Variants in PODNL1 observed in about 807,000 individuals in gnomAD.
The protein encoded by PODNL1 is podocan like 1.
In PODNL1, 50 loss-of-function variants were observed where a neutral mutation model predicts 45.1. The ratio of observed to expected loss-of-function variants is 1.11; its 90% confidence interval spans 0.88 to 1.40. The LOEUF (loss-of-function observed/expected upper bound fraction) is 1.40, where lower values mean the gene tolerates loss of function less well. Ranked by LOEUF, PODNL1 falls within the 40% of genes most tolerant of loss-of-function variation. The pLI is 0.00. For missense variants in PODNL1, 788 were observed against 793.3 expected (o/e 0.99, Z 0.08); for synonymous variants, 406 against 372.5 (o/e 1.09, Z -1.04).
chr19:13,949,172 C>T (rs1163488854), intron 1 of PODNL1: 3 of 152,044 alleles, frequency 2.0e-5, no homozygotes, highest in Non-Finnish European at 4.4e-5. Flanking sequence ...GTTGACCAGG[C>T]TTGTCTTGAA....
intron 1 of PODNL1, among the ~76,000 whole-genome samples, chr19:13,948,680 C>T (rs1401642636): frequency 6.7e-6 from 1 of 149,296 alleles, no homozygotes; most frequent in Non-Finnish European, 1.5e-5. Context: ...CCTGTAATCC[C>T]AGCGCTTTGG....
intron 1 of PODNL1, among the ~76,000 whole-genome samples, chr19:13,952,870 T>A (rs1274037709): frequency 2.4e-4 from 1 of 4,096 alleles, no homozygotes; most frequent in Non-Finnish European, 4.6e-4. Context: ...GCAAAGGGGC[T>A]GGGATGGAGG....
upstream of PODNL1, among the ~76,000 whole-genome samples, chr19:13,941,343 G>C (rs1280045535): frequency 6.8e-6 from 1 of 146,838 alleles, no homozygotes; most frequent in Non-Finnish European, 1.5e-5. Context: ...TCCAGGCTGG[G>C]TAACAGTGAG....
chr19:13,945,237 G>A (rs1972776771), intron 1 of PODNL1, among the ~76,000 whole-genome samples: 1 of 152,076 alleles, frequency 6.6e-6, no homozygotes, highest in Non-Finnish European at 1.5e-5. Flanking sequence ...TGAGCAGGGT[G>A]CAGTGGCTCA....
At chr19:13,942,035 T>C (rs1359040715), upstream of PODNL1, among the ~76,000 whole-genome samples, 1 of 152,068 alleles carries the variant, frequency 6.6e-6, no homozygotes, top group Non-Finnish European at 1.5e-5. Flanking sequence ...TCTTCAGCAG[T>C]GTAATGGGGC....
chr19:13,933,443 G>T lies in PODNL1; in HGVS notation c.780C>A (p.Ser260Arg), dbSNP rs1413134492. 6.4e-7 allele frequency: 1 copy of T among 1,569,412 alleles called. No homozygotes were observed. The highest frequency in any genetic ancestry group is 1.8e-5 in the Admixed American group (1 of 56,394). The change falls in exon 8 of 10, where the codon AGC (serine) becomes AGA (arginine). Residue 260 changes from serine to arginine, a missense_variant. Physicochemically the swap from Ser to Arg is moderately radical, Grantham distance 110. This residue lies in a region of PODNL1 where 762 missense variants were observed against 750.9 expected (regional missense o/e 1.01). Transcript: ENST00000588872. This position sits in a 1 kb window ranked among gnomAD's most constrained non-coding sequence, Gnocchi z 5.2. ...LDATTFSKLHSLEYLDLSHNQ... is the reference protein window; with the variant it reads ...LDATTFSKLHRLEYLDLSHNQ... ...TGTGGGAGAGATCCAGGTATTCAAG[G>T]CTATGCAGCTTGCTGGAAGGAGAGA...
At chr19:13,946,091 A>G (rs980443805) in intron 1 of PODNL1, among the ~76,000 whole-genome samples, 9 of 152,110 alleles carry the variant, frequency 5.9e-5, no homozygotes. Flanking sequence ...TCAAGGGAGG[A>G]TGAGAAACAC....
intron 1 of PODNL1, chr19:13,952,470 G>A: frequency 8.0e-7 from 1 of 1,247,156 alleles, no homozygotes; most frequent in Non-Finnish European, 1.0e-6. Flanking sequence ...CAGGGGTGGG[G>A]CGAAGGGGCC....
At chr19:13,952,392 T>C (rs545243521) in intron 1 of PODNL1, 10 of 1,195,906 alleles carry the variant, frequency 8.4e-6, no homozygotes, top group Non-Finnish European at 1.0e-5. Context: ...TGGACAGGCA[T>C]AGCGCGAGTG....
intron 1 of PODNL1, among the ~76,000 whole-genome samples, chr19:13,950,662 T>C (rs550328099): frequency 1.3e-5 from 2 of 152,214 alleles, no homozygotes; most frequent in African/African-American, 2.4e-5. Context: ...GTTAAGGCAG[T>C]AGCTGCCAGG....
At chr19:13,932,468 C>T in intron 8 of PODNL1, 1 of 611,798 alleles carries the variant, frequency 1.6e-6, no homozygotes, top group Non-Finnish European at 2.7e-6. Context: ...CTCAAGCGAT[C>T]CTCCTGCCTC....
chr19:13,934,783 A>G (rs1188587917), intron 5 of PODNL1, among the ~76,000 whole-genome samples: 1 of 151,710 alleles, frequency 6.6e-6, no homozygotes. Context: ...ATAAGTGTGC[A>G]TGGGTGAGTG....
rs764355589 is a variant in PODNL1 at position 13,934,351 on chromosome 19, C to G, written c.554G>C (p.Arg185Pro). 1 of 1,553,208 alleles carries G rather than the reference C, an allele frequency of 6.4e-7. No individual in the cohort carries two copies. The highest frequency in any genetic ancestry group is 8.7e-7 in the Non-Finnish European group (1 of 1,152,248). Reference protein sequence around the residue: ...SNAGLPPDAFRGSEAIATLSL... With the variant: ...SNAGLPPDAFPGSEAIATLSL... ...GAGGGTGGCGATGGCCTCGGAGCCG[C>G]GGAAGGCGTCGGGGGGCAGGCCAGC... is the stretch of plus-strand genomic sequence containing the variant. The change falls in exon 6 of 10, where the codon CGC becomes CCC. Residue 185 changes from arginine (R) to proline (P), a missense_variant. Coordinates refer to ENST00000588872, the MANE Select transcript of PODNL1 (RefSeq NM_001370095.3).
intron 5 of PODNL1, among the ~76,000 whole-genome samples, chr19:13,935,061 T>C (rs1414021245): frequency 6.6e-6 from 1 of 152,024 alleles, no homozygotes; most frequent in Non-Finnish European, 1.5e-5. Flanking sequence ...TCTGTGTGTG[T>C]GCTTGTGTGT....
chr19:13,932,906 G>C lies in PODNL1; in HGVS notation c.1317C>G (p.Pro439=), dbSNP rs542388413. Residue 439 remains proline, a synonymous_variant, in exon 8 of 10, where the codon CCC becomes CCG. Coordinates refer to ENST00000588872, the MANE Select transcript of PODNL1 (RefSeq NM_001370095.3). ...LQRNQLRMLE[P]EPLAGLDQLR... ...GTTGGTCCAGGCCGGCCAGAGGCTC[G>C]GGCTCGAGCATCCGCAGCTGGTTGC... 7.5e-6 allele frequency: 12 copies of C among 1,590,976 alleles called. No homozygotes were observed. In the African/African-American group the frequency reaches 1.2e-4, roughly 16 times the overall value.
chr19:13,932,641 C>G, intron 8 of PODNL1, 157 bp downstream of exon 8: 2 of 1,533,460 alleles, frequency 1.3e-6, no homozygotes, highest in Middle Eastern at 1.8e-4. Context: ...CAGGCATGAG[C>G]CACCTCACCC....
Position 13,933,470 on chromosome 19 carries a change from G to C in PODNL1, c.768-15C>G. On this transcript the variant is annotated splice_polypyrimidine_tract_variant and intron_variant, in intron 7 of 9. Coordinates refer to ENST00000588872, the MANE Select transcript of PODNL1 (RefSeq NM_001370095.3). The surrounding 1 kb of genome is among the most constrained non-coding windows in gnomAD (Gnocchi z 5.2). Reference sequence around the variant, plus strand: ...TATGCAGCTTGCTGGAAGGAGAGAGGGTCGGTGTTAGGTGGGGCACTTGGA... The same window carrying C: ...TATGCAGCTTGCTGGAAGGAGAGAGCGTCGGTGTTAGGTGGGGCACTTGGA... 1 of 1,546,622 alleles carries C rather than the reference G, an allele frequency of 6.5e-7. No homozygotes were observed. The highest frequency in any genetic ancestry group is 1.4e-5 in the African/African-American group (1 of 73,910).
intron 1 of PODNL1, chr19:13,952,479 C>T (rs1973091345): frequency 3.2e-6 from 4 of 1,247,600 alleles, no homozygotes; most frequent in East Asian, 6.3e-5. Context: ...GGCGAAGGGG[C>T]CGGTTGCTCC....
chr19:13,934,071 G>T, intron 6 of PODNL1, 78 bp from the exon 7 acceptor site: 2 of 1,404,630 alleles, frequency 1.4e-6, no homozygotes, highest in Non-Finnish European at 2.0e-6. Context: ...TTGAGTAAGG[G>T]AGTGACGAGG....
Sources: gnomAD v4.1 joint callset for allele counts (sites outside exome capture counted in the v4.1 genomes callset) on GRCh38, gnomAD v4.1.1 for gene constraint, gnomAD v4.1.1 regional missense constraint, Gnocchi (gnomAD v3.1) non-coding constraint, MANE v1.5 for transcripts, NCBI Gene and HGNC (gene_info 2026-07-23, HGNC 2026-07-21) for gene names.